KIRREL3: variants seen among roughly 807,000 people sequenced by gnomAD.
KIRREL3 encodes the protein kirre like nephrin family adhesion molecule 3.
In KIRREL3, 36 loss-of-function variants were observed where a neutral mutation model predicts 89.7. The observed-to-expected ratio is 0.40, with a 90% CI of 0.31 to 0.53. The LOEUF (loss-of-function observed/expected upper bound fraction) is 0.53. KIRREL3 is among the 20% of genes least tolerant of loss of function. The probability of loss-of-function intolerance (pLI) is 0.49; values close to 1 mark genes in which losing one functional copy is unlikely to be tolerated. For missense variants in KIRREL3, 864 were observed against 1,056.6 expected (o/e 0.82, Z 2.53); for synonymous variants, 445 against 441.4 (o/e 1.01, Z -0.10).
chr11:126,554,927 G>A (rs778601957), intron 2 of KIRREL3, among the ~76,000 whole-genome samples: 1 of 152,174 alleles, frequency 6.6e-6, no homozygotes, highest in Non-Finnish European at 1.5e-5. Context: ...ACTGGGCATC[G>A]GAGACTATGG....
In KIRREL3 at chr11:126,627,263, G is replaced by C; in HGVS notation, c.56-64351C>G. ...GACCTATTTGGGAGAGGTGGCTGTAGGATGCTGAGGATTCCTGGGGGAGAT... is the reference window on the plus strand; with the variant it reads ...GACCTATTTGGGAGAGGTGGCTGTACGATGCTGAGGATTCCTGGGGGAGAT... On this transcript the variant is annotated intron_variant, in intron 1 of 16. Transcript: ENST00000525144. This position sits in a 1 kb window ranked among gnomAD's most constrained non-coding sequence, Gnocchi z 5.0. Among the ~76,000 whole-genome samples, 1 of 152,216 alleles carries C rather than the reference G, an allele frequency of 6.6e-6. No individual in the cohort carries two copies. Among genetic ancestry groups the C allele is most frequent in the East Asian group, 1.9e-4 (1 of 5,192 alleles).
chr11:126,632,850 G>C (rs1369341521), intron 1 of KIRREL3, among the ~76,000 whole-genome samples: 1 of 146,204 alleles, frequency 6.8e-6, no homozygotes, highest in Non-Finnish European at 1.5e-5. Flanking sequence ...CCAGCACTTT[G>C]GCAGGCCGAG....
intron 1 of KIRREL3, among the ~76,000 whole-genome samples, chr11:126,869,874 C>A (rs1373009531): frequency 6.6e-6 from 1 of 152,208 alleles, no homozygotes; most frequent in African/African-American, 2.4e-5. Flanking sequence ...ATTTCCAGTG[C>A]CTTTCTCTGG....
rs1950551736 is a variant in KIRREL3, at chr11:126,788,696, G to A, written c.55+211759C>T. ...AGTCCTCCACATTATAGACCACAAA[G>A]GCCCTACAATTGCTATCAAAGGAAC... On this transcript the variant is annotated intron_variant, in intron 1 of 16. Transcript: ENST00000525144. The surrounding 1 kb of genome is among the most constrained non-coding windows in gnomAD (Gnocchi z 4.1). Among the ~76,000 whole-genome samples the A allele has an allele frequency of 6.6e-6, 1 of 152,130 alleles. No homozygotes were observed. Among genetic ancestry groups the A allele is most frequent in the Admixed American group, 6.5e-5 (1 of 15,280 alleles).
rs1943629799 is a variant in KIRREL3, at chr11:126,622,856, T to C, written c.56-59944A>G. ...TAACTACATGCACAATTTTATTTGC[T>C]TTATCTATATTAATTCTTTTCATCC... On this transcript the variant is annotated intron_variant, in intron 1 of 16. Transcript: ENST00000525144. This position sits in a 1 kb window ranked among gnomAD's most constrained non-coding sequence, Gnocchi z 5.2. Among the ~76,000 whole-genome samples, 1 of 152,214 alleles carries C rather than the reference T, an allele frequency of 6.6e-6. No individual in the cohort carries two copies. Among genetic ancestry groups the C allele is most frequent in the Non-Finnish European group, 1.5e-5 (1 of 68,034 alleles).
At chr11:126,786,747 C>T (rs1418815595) in intron 1 of KIRREL3, among the ~76,000 whole-genome samples, 1 of 152,206 alleles carries the variant, frequency 6.6e-6, no homozygotes, top group East Asian at 1.9e-4. Context: ...CCACCGGGCT[C>T]CTTGGGCTGA....
At chr11:126,815,102 T>C (rs1319852421) in intron 1 of KIRREL3, among the ~76,000 whole-genome samples, 1 of 152,178 alleles carries the variant, frequency 6.6e-6, no homozygotes, top group Admixed American at 6.5e-5. Flanking sequence ...TCTCTTACGG[T>C]GTTGGCTTAT....
rs1950544079 is a variant in KIRREL3, at chr11:126,788,417, G to T, written c.55+212038C>A. Among the ~76,000 whole-genome samples the T allele has an allele frequency of 6.6e-6, 1 of 152,190 alleles. No individual in the cohort carries two copies. The highest frequency in any genetic ancestry group is 6.5e-5 in the Admixed American group (1 of 15,280). The stretch of plus-strand genomic sequence containing the variant: ...GGTTTTGAGACTGAGACAGGGCTGT[G>T]CTTCTTCCCTTGCCTCCTCTGTCCA... On this transcript the variant is annotated intron_variant, in intron 1 of 16. Transcript: ENST00000525144. This position sits in a 1 kb window ranked among gnomAD's most constrained non-coding sequence, Gnocchi z 4.1.
Position 126,642,996 on chromosome 11 carries a change from A to G in KIRREL3, c.56-80084T>C, listed in dbSNP as rs138509730. 2.0e-5 allele frequency among the ~76,000 whole-genome samples: 3 copies of G among 152,090 alleles called. No homozygotes were observed. Among genetic ancestry groups the G allele is most frequent in the Admixed American group, 6.6e-5 (1 of 15,266 alleles). ...CTCCCTTCTTCCCTCCCATCCATCC[A>G]TCCATCCATCCATCCATCCATCTAT... On this transcript the variant is annotated intron_variant, in intron 1 of 16. Transcript: ENST00000525144. This position sits in a 1 kb window ranked among gnomAD's most constrained non-coding sequence, Gnocchi z 4.9.
At position 126,537,963 on chromosome 11, in the gene KIRREL3, T is replaced by C. The variant is rs1309976269; in HGVS notation, c.134-11276A>G. Among the ~76,000 whole-genome samples the C allele has an allele frequency of 1.3e-5, 2 of 152,156 alleles. No individual in the cohort carries two copies. The highest frequency in any genetic ancestry group is 2.4e-5 in the African/African-American group (1 of 41,438). Reference sequence around the variant, plus strand: ...ACCCATTAGAATGCTGCATGGGTGGTGCAGGAGACAGTGGGTGAGCCCTCC... The same window carrying C: ...ACCCATTAGAATGCTGCATGGGTGGCGCAGGAGACAGTGGGTGAGCCCTCC... On this transcript the variant is annotated intron_variant, in intron 2 of 16. Coordinates refer to ENST00000525144, the MANE Select transcript of KIRREL3 (RefSeq NM_032531.4). This position sits in a 1 kb window ranked among gnomAD's most constrained non-coding sequence, Gnocchi z 4.3.
intron 1 of KIRREL3, among the ~76,000 whole-genome samples, chr11:126,586,588 C>T (rs183364849): frequency 2.0e-5 from 3 of 152,050 alleles, no homozygotes; most frequent in Admixed American, 6.5e-5. Context: ...TTAGGTAACT[C>T]GTTCAGGGCC....
At position 126,919,391 on chromosome 11, in the gene KIRREL3, T is replaced by A. The variant is rs1283248285; in HGVS notation, c.55+81064A>T. ...ATCACTTCTGTTAAAGTAGCATGGT[T>A]GGCTCAACAAGCCAAGGGCAAGTTT... On this transcript the variant is annotated intron_variant, in intron 1 of 16. Transcript: ENST00000525144. 2.0e-5 allele frequency among the ~76,000 whole-genome samples: 3 copies of A among 152,224 alleles called. No homozygotes were observed. The East Asian group carries it at 5.8e-4, about 29-fold the overall frequency.
intron 1 of KIRREL3, among the ~76,000 whole-genome samples, chr11:126,923,483 G>T (rs112314777): frequency 0.15 from 18,578 of 120,240 alleles, 1,728 homozygotes; most frequent in Admixed American, 0.23. Flanking sequence ...TCGCACTATC[G>T]CCCAGGCTGG....
chr11:126,466,425 A>G (rs977192429), intron 5 of KIRREL3, among the ~76,000 whole-genome samples: 2 of 152,160 alleles, frequency 1.3e-5, no homozygotes, highest in South Asian at 2.1e-4. Flanking sequence ...TGGGTCTGCC[A>G]GCTCTGCTGC....
rs1349790318 is a variant in KIRREL3 at position 126,989,172 on chromosome 11, A to G, written c.55+11283T>C. Among the ~76,000 whole-genome samples the G allele has an allele frequency of 6.6e-6, 1 of 152,228 alleles. No individual in the cohort carries two copies. The highest frequency in any genetic ancestry group is 1.5e-5 in the Non-Finnish European group (1 of 68,046). ...TCTACCCTTGTAGCATCAACTCTGCAGTTTGAAGTAAGGTTTTGCAAAACT... is the reference window on the plus strand; with the variant it reads ...TCTACCCTTGTAGCATCAACTCTGCGGTTTGAAGTAAGGTTTTGCAAAACT... On this transcript the variant is annotated intron_variant, in intron 1 of 16. Coordinates refer to ENST00000525144, the MANE Select transcript of KIRREL3 (RefSeq NM_032531.4). This position sits in a 1 kb window ranked among gnomAD's most constrained non-coding sequence, Gnocchi z 6.2.
intron 2 of KIRREL3, among the ~76,000 whole-genome samples, chr11:126,529,199 G>T (rs1203267572): frequency 6.6e-6 from 1 of 152,102 alleles, no homozygotes; most frequent in Non-Finnish European, 1.5e-5. Flanking sequence ...GGGGAAGTGG[G>T]GTGCAAGAAG....
chr11:126,521,279 C>T lies in KIRREL3; in HGVS notation c.433+36G>A, dbSNP rs779335997. The T allele has an allele frequency of 2.8e-5, 41 of 1,488,564 alleles. No homozygotes were observed. The highest frequency in any genetic ancestry group is 7.0e-5 in the African/African-American group (5 of 71,560). The allele number at this position is 1,488,564 out of a possible 1,614,324, so 92.2% of individuals were successfully genotyped here. A position where few individuals can be genotyped will look rare whatever the true frequency, so the allele number is the denominator to read the frequency against. On this transcript the variant is annotated intron_variant, in intron 4 of 16. Coordinates refer to ENST00000525144, the MANE Select transcript of KIRREL3 (RefSeq NM_032531.4). The surrounding 1 kb of genome is among the most constrained non-coding windows in gnomAD (Gnocchi z 4.1). ...TTGGAGCTGAGCCCTTGGTGCTTCA[C>T]GCAGTGTCCCAGCCCCGTGTGCAGA...
At position 126,669,335 on chromosome 11, in the gene KIRREL3, C is replaced by T. The variant is rs1448195600; in HGVS notation, c.56-106423G>A. Among the ~76,000 whole-genome samples, 1 of 152,186 alleles carries T rather than the reference C, an allele frequency of 6.6e-6. No individual in the cohort carries two copies. Among genetic ancestry groups the T allele is most frequent in the Non-Finnish European group, 1.5e-5 (1 of 68,038 alleles). ...ACACGTGCAAGATCTTCCTCCTTCC[C>T]TGAGACACTTACCTCTCCTTTAGTT... On this transcript the variant is annotated intron_variant, in intron 1 of 16. Coordinates refer to ENST00000525144, the MANE Select transcript of KIRREL3 (RefSeq NM_032531.4). The surrounding 1 kb of genome is among the most constrained non-coding windows in gnomAD (Gnocchi z 5.0).
At chr11:126,618,622 A>G (rs905775797) in intron 1 of KIRREL3, among the ~76,000 whole-genome samples, 1 of 152,180 alleles carries the variant, frequency 6.6e-6, no homozygotes, top group Admixed American at 6.5e-5. Flanking sequence ...TTTAGTAGAG[A>G]CAAGGTTGCG....
Sources: gnomAD v4.1 joint callset for allele counts (sites outside exome capture counted in the v4.1 genomes callset) on GRCh38, gnomAD v4.1.1 for gene constraint, Gnocchi (gnomAD v3.1) non-coding constraint, MANE v1.5 for transcripts, NCBI Gene and HGNC (gene_info 2026-07-23, HGNC 2026-07-21) for gene names.